SPRED2: variants seen among roughly 807,000 people sequenced by gnomAD.
SPRED2 encodes sprouty-related, EVH1 domain-containing protein 2.
In SPRED2, 47 loss-of-function variants were observed where a neutral mutation model predicts 43.0. The ratio of observed to expected loss-of-function variants is 1.09; its 90% CI spans 0.87 to 1.40. SPRED2 has a LOEUF of 1.40. SPRED2 is among the 40% of genes most tolerant of loss of function. The pLI is 0.00. For synonymous variants in SPRED2, 225 were observed against 225.7 expected, an observed-to-expected ratio of 1.00 and a Z score of 0.03; for missense variants, 561 against 586.4, an observed-to-expected ratio of 0.96 and a Z score of 0.45.
chr2:65,346,751 G>C (rs2104274421), intron 1 of SPRED2, among the ~76,000 whole-genome samples: 1 of 152,164 alleles, frequency 6.6e-6, no homozygotes, highest in East Asian at 1.9e-4. Flanking sequence ...AGACTATTCA[G>C]CCTCCCTCCA....
At position 65,312,600 on chromosome 2, in the gene SPRED2, A is replaced by G; in HGVS notation, c.*901T>C. ...AAATTTCTTACTTCACTAGTATCCT[A>G]TTCTAATATTGCTAAATTTTTAGAA... On this transcript the variant is annotated 3_prime_UTR_variant, in exon 6 of 6. Coordinates refer to ENST00000356388, the MANE Select transcript of SPRED2 (RefSeq NM_181784.3). 1.0e-6 allele frequency: 1 copy of G among 985,804 alleles called. No homozygotes were observed. Among genetic ancestry groups the G allele is most frequent in the Non-Finnish European group, 1.2e-6 (1 of 829,890 alleles). 61.1% of individuals were successfully genotyped at this position (985,804 alleles called of 1,614,324 possible).
intron 1 of SPRED2, among the ~76,000 whole-genome samples, chr2:65,425,930 A>G (rs1676545568): frequency 2.0e-5 from 3 of 152,226 alleles, no homozygotes; most frequent in African/African-American, 7.2e-5. Flanking sequence ...CACTTGTTCA[A>G]TTTCTGAAAA....
intron 4 of SPRED2, among the ~76,000 whole-genome samples, chr2:65,329,231 G>A (rs73936454): frequency 0.081 from 12,326 of 152,208 alleles, 866 homozygotes; most frequent in African/African-American, 0.18. Flanking sequence ...CTAAAGCAGT[G>A]CTCATGTCCC....
intron 1 of SPRED2, among the ~76,000 whole-genome samples, chr2:65,369,243 A>G (rs566790466): frequency 2.6e-5 from 4 of 152,256 alleles, no homozygotes; most frequent in South Asian, 2.1e-4. Flanking sequence ...AAACATTTTT[A>G]TAAGGGGAGA....
In SPRED2 at chr2:65,380,283, T is replaced by A. The variant is rs545492923; in HGVS notation, c.27-35387A>T. ...TGCCAGTATCACTTAATACCGTAGGTGTAAATAAGACTAATTTTTTCTCTC... is the reference window on the plus strand; with the variant it reads ...TGCCAGTATCACTTAATACCGTAGGAGTAAATAAGACTAATTTTTTCTCTC... On this transcript the variant is annotated intron_variant, in intron 1 of 5. Transcript: ENST00000356388. 2.0e-5 allele frequency among the ~76,000 whole-genome samples: 3 copies of A among 152,280 alleles called. No homozygotes were observed. The South Asian group carries it at 6.2e-4, about 32-fold the overall frequency.
rs886493701 is a variant in SPRED2 at position 65,314,634 on chromosome 2, T to A, written c.589-465A>T. 3.9e-5 allele frequency among the ~76,000 whole-genome samples: 6 copies of A among 152,356 alleles called. 1 individual carries two copies. Among genetic ancestry groups the A allele is most frequent in the Non-Finnish European group, 5.9e-5 (4 of 68,030 alleles). On this transcript the variant is annotated intron_variant, in intron 5 of 5. Transcript: ENST00000356388. ...TCTAAAGGCCTGCATTAGTTTTGCCTATTTTTGTATGGTATGTTCTCTTTT... is the reference window on the plus strand; with the variant it reads ...TCTAAAGGCCTGCATTAGTTTTGCCAATTTTTGTATGGTATGTTCTCTTTT...
In SPRED2 at chr2:65,313,990, C is replaced by G. The variant is rs756607698; in HGVS notation, c.768G>C (p.Lys256Asn). 8 of 1,613,672 alleles carry G rather than the reference C, an allele frequency of 5.0e-6. No homozygotes were observed. Among genetic ancestry groups the G allele is most frequent in the Non-Finnish European group, 6.8e-6 (8 of 1,180,020 alleles). Reference protein sequence around the residue: ...DADSSYVRFAKGEVPKHDYNY... With the variant: ...DADSSYVRFANGEVPKHDYNY... ...TGTAGTCATGCTTGGGGACCTCGCC[C>G]TTGGCGAAGCGCACGTAGGAGGAGT... Residue 256 changes from lysine to asparagine, a missense_variant, in exon 6 of 6, where the codon AAG (lysine) becomes AAC (asparagine). Coordinates refer to ENST00000356388, the MANE Select transcript of SPRED2 (RefSeq NM_181784.3).
Position 65,401,937 on chromosome 2 carries a change from G to GCGCGCGCGCA in SPRED2, c.26+30024_26+30025insTGCGCGCGCG, listed in dbSNP as rs776512353. On this transcript the variant is annotated intron_variant, in intron 1 of 5. Transcript: ENST00000356388. ...ACGATCAGAATATTAGCGCGCGCGC[G>GCGCGCGCGCA]CACACACACACACACACACACACAC... Among the ~76,000 whole-genome samples, 507 of 114,730 alleles carry GCGCGCGCGCA rather than the reference G, an allele frequency of 4.4e-3. 3 individuals carry two copies. The highest frequency in any genetic ancestry group is 9.2e-3 in the African/African-American group (273 of 29,614). 75.3% of individuals were successfully genotyped at this position (114,730 alleles called of 152,430 possible).
chr2:65,313,791 G>A lies in SPRED2; in HGVS notation c.967C>T (p.Arg323Trp), dbSNP rs1673143964. ...RDMFNHEENR[R>W]GHCQDAPDSV... ...TCGGGCGCGTCCTGGCAGTGGCCCC[G>A]GCGGTTCTCCTCGTGGTTGAACATG... Residue 323 changes from arginine to tryptophan, a missense_variant, in exon 6 of 6, where the codon CGG (arginine) becomes TGG (tryptophan). Around this residue, in one of 6 missense-constraint regions of SPRED2, gnomAD observed 164 missense variants for 164.1 expected, o/e 1.00. Coordinates refer to ENST00000356388, the MANE Select transcript of SPRED2 (RefSeq NM_181784.3). The A allele has an allele frequency of 7.4e-6, 12 of 1,614,064 alleles. No homozygotes were observed. The highest frequency in any genetic ancestry group is 1.0e-5 in the Non-Finnish European group (12 of 1,180,016).
chr2:65,371,088 C>A (rs17534153), intron 1 of SPRED2, among the ~76,000 whole-genome samples: 1 of 152,054 alleles, frequency 6.6e-6, no homozygotes, highest in Non-Finnish European at 1.5e-5. Flanking sequence ...TGTCGCTGCC[C>A]GTAAGAGCTC....
At chr2:65,402,746 G>T (rs1165617492) in intron 1 of SPRED2, among the ~76,000 whole-genome samples, 1 of 152,118 alleles carries the variant, frequency 6.6e-6, no homozygotes, top group Non-Finnish European at 1.5e-5. Context: ...TGCCTGAATT[G>T]GATTAATATA....
chr2:65,366,816 T>C, intron 1 of SPRED2: 1 of 1,257,642 alleles, frequency 8.0e-7, no homozygotes, highest in Non-Finnish European at 1.0e-6. Flanking sequence ...TATAGGCCTG[T>C]TGTGTCATTA....
At chr2:65,368,416 T>G (rs1026033486) in intron 1 of SPRED2, among the ~76,000 whole-genome samples, 4 of 152,332 alleles carry the variant, frequency 2.6e-5, no homozygotes, top group Middle Eastern at 3.4e-3. Context: ...TTTATAACTT[T>G]TCACACACTT....
Position 65,314,171 on chromosome 2 carries a change from T to C in SPRED2, c.589-2A>G. On this transcript the variant is annotated splice_acceptor_variant, in intron 5 of 5. Transcript: ENST00000356388. LOFTEE classifies it high-confidence loss of function. Reference sequence around the variant, plus strand: ...CTGGCGGTAGGGCCTTGGCATCGGCTGTCCCGTAGGAGAGGAGACATTATT... The same window carrying C: ...CTGGCGGTAGGGCCTTGGCATCGGCCGTCCCGTAGGAGAGGAGACATTATT... 6.3e-7 allele frequency: 1 copy of C among 1,586,612 alleles called. No homozygotes were observed. The highest frequency in any genetic ancestry group is 8.6e-7 in the Non-Finnish European group (1 of 1,160,390).
Position 65,432,369 on chromosome 2 carries a change from T to C in SPRED2, c.-382A>G, listed in dbSNP as rs910392983. Among the ~76,000 whole-genome samples, 1 of 29,580 alleles carries C rather than the reference T, an allele frequency of 3.4e-5. No individual in the cohort carries two copies. The highest frequency in any genetic ancestry group is 3.5e-4 in the Admixed American group (1 of 2,860). 19.4% of individuals were successfully genotyped at this position (29,580 alleles called of 152,430 possible). A position where few individuals can be genotyped will look rare whatever the true frequency, so the allele number is the denominator to read the frequency against. On this transcript the variant is annotated 5_prime_UTR_variant, in exon 1 of 6. Coordinates refer to ENST00000356388, the MANE Select transcript of SPRED2 (RefSeq NM_181784.3). ...GGAGGAGGAGAGCGCCGGCCGCGGGTGGGGGGGCTCAGTCCGGGGTCGCCC... is the reference window on the plus strand; with the variant it reads ...GGAGGAGGAGAGCGCCGGCCGCGGGCGGGGGGGCTCAGTCCGGGGTCGCCC...
chr2:65,366,534 G>A (rs1674984077), intron 1 of SPRED2: 2 of 1,525,180 alleles, frequency 1.3e-6, no homozygotes, highest in East Asian at 2.5e-5. Context: ...CACCAGAAAG[G>A]TTAAGAATAA....
intron 1 of SPRED2, among the ~76,000 whole-genome samples, chr2:65,387,439 G>C (rs913353059): frequency 6.6e-6 from 1 of 152,138 alleles, no homozygotes; most frequent in Non-Finnish European, 1.5e-5. Context: ...AGCACACCTA[G>C]GTCTCAGTTT....
At chr2:65,367,689 G>A (rs1235066016) in intron 1 of SPRED2, among the ~76,000 whole-genome samples, 1 of 152,124 alleles carries the variant, frequency 6.6e-6, no homozygotes, top group African/African-American at 2.4e-5. Context: ...CTCCCAGGGC[G>A]ATCTGGTGAT....
chr2:65,336,472 C>A (rs1421951516), intron 2 of SPRED2, among the ~76,000 whole-genome samples: 2 of 152,134 alleles, frequency 1.3e-5, no homozygotes, highest in Non-Finnish European at 2.9e-5. Flanking sequence ...TAGTCCCAAG[C>A]AGTTAACTTT....
Sources: gnomAD v4.1 joint callset for allele counts (sites outside exome capture counted in the v4.1 genomes callset) on GRCh38, gnomAD v4.1.1 for gene constraint, gnomAD v4.1.1 regional missense constraint, MANE v1.5 for transcripts, NCBI Gene and HGNC (gene_info 2026-07-23, HGNC 2026-07-21) for gene names.